The following EYS variants were observed in gnomAD, a reference collection of about 807,000 sequenced individuals.
EYS encodes the protein protein eyes shut homolog.
EYS carries 250 observed loss-of-function variants against 282.1 expected under a neutral mutation model. That is an observed-to-expected ratio of 0.89 (90% CI 0.80 to 0.98). EYS has a LOEUF of 0.98. Ranked by LOEUF, EYS falls within the 50% of genes least tolerant of loss-of-function variation. The pLI is 0.00. For missense variants in EYS, 4,016 were observed against 3,709.0 expected (o/e 1.08, Z -2.15); for synonymous variants, 1,355 against 1,282.9 (o/e 1.06, Z -1.20).
At chr6:64,950,244 T>C (rs1281846052) in intron 14 of EYS, among the ~76,000 whole-genome samples, 1 of 151,950 alleles carries the variant, frequency 6.6e-6, no homozygotes, top group Non-Finnish European at 1.5e-5. Flanking sequence ...TTTAAAAATA[T>C]ACCAAAGGAG....
chr6:64,909,585 G>A (rs1423542867), intron 16 of EYS, among the ~76,000 whole-genome samples: 1 of 151,926 alleles, frequency 6.6e-6, no homozygotes, highest in Non-Finnish European at 1.5e-5. Context: ...TCATTTTCCT[G>A]TAGAAAATGT....
chr6:64,668,483 T>C (rs1769314369), intron 22 of EYS, among the ~76,000 whole-genome samples: 1 of 151,746 alleles, frequency 6.6e-6, no homozygotes, highest in Admixed American at 6.6e-5. Flanking sequence ...CCTTTTTTAG[T>C]GTCTTATTTC....
At chr6:65,114,914 G>C (rs1485750556) in intron 12 of EYS, among the ~76,000 whole-genome samples, 1 of 151,878 alleles carries the variant, frequency 6.6e-6, no homozygotes, top group Non-Finnish European at 1.5e-5. Context: ...TTCCCCTAGT[G>C]ATTCCCATTA....
chr6:64,202,719 A>C (rs542073013), intron 31 of EYS, among the ~76,000 whole-genome samples: 1 of 152,278 alleles, frequency 6.6e-6, no homozygotes, highest in South Asian at 2.1e-4. Context: ...ATCCTCCATG[A>C]GAGTAGGCCC....
chr6:63,859,097 T>G (rs1049611139), intron 36 of EYS, among the ~76,000 whole-genome samples: 2 of 125,478 alleles, frequency 1.6e-5, no homozygotes, highest in Non-Finnish European at 3.4e-5. Context: ...TTTTTTTTTT[T>G]TTTTTTTTTT....
chr6:64,185,010 G>A (rs527296604), intron 31 of EYS, among the ~76,000 whole-genome samples: 1 of 151,944 alleles, frequency 6.6e-6, no homozygotes, highest in East Asian at 1.9e-4. Context: ...TCATGAATGA[G>A]GTCTGTGCCC....
intron 26 of EYS, among the ~76,000 whole-genome samples, chr6:64,474,470 T>C (rs144411431): frequency 9.2e-5 from 14 of 152,320 alleles, no homozygotes; most frequent in African/African-American, 3.4e-4. Context: ...AGAATGAATA[T>C]GAAAGAACAT....
In EYS at chr6:65,371,708, CCTCTCTCTCTCT is replaced by C. The variant is rs140879689; in HGVS notation, c.1299+12666_1299+12677del. 8.9e-3 allele frequency among the ~76,000 whole-genome samples: 1,058 copies of C among 119,080 alleles called. 7 individuals carry two copies. Among genetic ancestry groups the C allele is most frequent in the Non-Finnish European group, 0.012 (731 of 59,226 alleles). The allele number at this position is 119,080 out of a possible 152,430, so 78.1% of individuals were successfully genotyped here. A position where few individuals can be genotyped will look rare whatever the true frequency, so the allele number is the denominator to read the frequency against. On this transcript the variant is annotated intron_variant, in intron 8 of 42. Transcript: ENST00000503581. ...CTTCAAATTCCTCTCTCTCTCTCTC[CCTCTCTCTCTCT>C]CTCTCTCTCTCTCTCTCTCTCTGTG...
At chr6:63,749,960 G>T (rs567788455) in intron 41 of EYS, among the ~76,000 whole-genome samples, 85 of 152,250 alleles carry the variant, frequency 5.6e-4, no homozygotes, top group African/African-American at 2.0e-3. Flanking sequence ...TGGCCATCTT[G>T]CCCAAATCTC....
Position 63,954,972 on chromosome 6 carries a change from C to A in EYS, c.7055+29411G>T, listed in dbSNP as rs111816172. ...ACTACTCCTCAGGGATTGTTCAGGC[C>A]CCCTCTCTTCCCTACACATCAAGCT... On this transcript the variant is annotated intron_variant, in intron 35 of 42. Coordinates refer to ENST00000503581, the MANE Select transcript of EYS (RefSeq NM_001142800.2). Among the ~76,000 whole-genome samples the A allele has an allele frequency of 8.4e-3, 1,274 of 152,166 alleles. 20 individuals are homozygous for A. The highest frequency in any genetic ancestry group is 0.031 in the South Asian group (147 of 4,814).
chr6:64,693,752 T>TA (rs1770481553), intron 22 of EYS, among the ~76,000 whole-genome samples: 1 of 151,688 alleles, frequency 6.6e-6, no homozygotes, highest in South Asian at 2.1e-4. Flanking sequence ...TTAATTTTTT[T>TA]AAAAAATCAA....
chr6:65,374,535 G>A (rs1765287215), intron 8 of EYS, among the ~76,000 whole-genome samples: 2 of 149,286 alleles, frequency 1.3e-5, no homozygotes, highest in Non-Finnish European at 3.0e-5. Context: ...CTGATACCTG[G>A]AACTCCAGTG....
chr6:65,128,388 C>A (rs1342884774), intron 12 of EYS, among the ~76,000 whole-genome samples: 1 of 151,850 alleles, frequency 6.6e-6, no homozygotes, highest in Non-Finnish European at 1.5e-5. Flanking sequence ...CTTGAACTAT[C>A]TTTCTTCAAT....
intron 14 of EYS, among the ~76,000 whole-genome samples, chr6:64,955,655 C>A (rs989814076): frequency 7.2e-5 from 11 of 152,172 alleles, no homozygotes; most frequent in African/African-American, 2.7e-4. Flanking sequence ...TTTTGGCTCC[C>A]TATCCCATGG....
chr6:64,311,185 G>T lies in EYS; in HGVS notation c.6079-4103C>A, dbSNP rs532663107. On this transcript the variant is annotated intron_variant, in intron 29 of 42. Coordinates refer to ENST00000503581, the MANE Select transcript of EYS (RefSeq NM_001142800.2). ...ACATGGTTTTTAGATCATTTCTACT[G>T]TTGGGAAACCTTTTTTCCTTGAATT... is the stretch of plus-strand genomic sequence containing the variant. 2.0e-5 allele frequency among the ~76,000 whole-genome samples: 3 copies of T among 152,212 alleles called. No individual in the cohort carries two copies. The South Asian group carries it at 6.2e-4, about 32-fold the overall frequency.
At chr6:64,514,949 G>A (rs1032968128) in intron 26 of EYS, among the ~76,000 whole-genome samples, 19 of 151,794 alleles carry the variant, frequency 1.3e-4, no homozygotes, top group African/African-American at 4.6e-4. Context: ...CATTATAAAC[G>A]TGTAAGACTC....
intron 2 of EYS, among the ~76,000 whole-genome samples, chr6:65,595,119 C>T (rs1180742981): frequency 6.6e-6 from 1 of 151,918 alleles, no homozygotes; most frequent in Non-Finnish European, 1.5e-5. Flanking sequence ...ACATATACAC[C>T]ATGGAATACT....
chr6:65,533,586 G>A (rs907531755), intron 2 of EYS, among the ~76,000 whole-genome samples: 2 of 152,108 alleles, frequency 1.3e-5, no homozygotes, highest in Non-Finnish European at 2.9e-5. Context: ...TGGTGGTACT[G>A]AGAGATGTGA....
At chr6:63,832,653 A>G (rs1256668635) in intron 36 of EYS, among the ~76,000 whole-genome samples, 1 of 152,230 alleles carries the variant, frequency 6.6e-6, no homozygotes, top group Non-Finnish European at 1.5e-5. Flanking sequence ...AGGAGCTGGT[A>G]CCATTCCTTC....
Sources: allele counts gnomAD v4.1 joint callset (sites outside exome capture counted in the v4.1 genomes callset), GRCh38; gene constraint gnomAD v4.1.1; transcripts MANE v1.5; gene names NCBI Gene and HGNC (gene_info 2026-07-23, HGNC 2026-07-21).